ROBO1: variants seen among roughly 807,000 people sequenced by gnomAD.
The protein encoded by ROBO1 is roundabout guidance receptor 1, also known as roundabout homolog 1.
Under a neutral mutation model 195.9 loss-of-function variants are expected in ROBO1, and 149 were observed. That is an observed-to-expected ratio of 0.76 (90% CI 0.67 to 0.87). The LOEUF (loss-of-function observed/expected upper bound fraction) is 0.87, where lower values mean the gene tolerates loss of function less well. ROBO1 is among the 40% of genes least tolerant of loss of function. The pLI is 0.00. For synonymous variants in ROBO1, 816 were observed against 733.2 expected, an observed-to-expected ratio of 1.11 and a Z score of -1.82; for missense variants, 1,933 against 2,068.3, an observed-to-expected ratio of 0.93 and a Z score of 1.27.
intron 22 of ROBO1, among the ~76,000 whole-genome samples, chr3:78,636,736 T>A (rs924090818): frequency 1.3e-5 from 2 of 151,488 alleles, no homozygotes; most frequent in African/African-American, 4.8e-5. Flanking sequence ...TTCTCATGGT[T>A]TCATAATGAC....
chr3:79,738,242 G>C (rs557593607), intron 1 of ROBO1, among the ~76,000 whole-genome samples: 1 of 152,224 alleles, frequency 6.6e-6, no homozygotes, highest in East Asian at 1.9e-4. Context: ...TAGAGAAACA[G>C]TTTACTGAGA....
chr3:78,989,323 A>C (rs2108044830), intron 3 of ROBO1, among the ~76,000 whole-genome samples: 1 of 152,292 alleles, frequency 6.6e-6, no homozygotes, highest in East Asian at 1.9e-4. Context: ...TAAAAATAAA[A>C]AAATTTAAGG....
intron 2 of ROBO1, among the ~76,000 whole-genome samples, chr3:79,237,265 G>A (rs2082426031): frequency 6.6e-6 from 1 of 152,012 alleles, no homozygotes; most frequent in African/African-American, 2.4e-5. Flanking sequence ...GGCGGATCAC[G>A]AGGTCAGGAG....
chr3:78,889,879 G>C (rs76309058), intron 4 of ROBO1, among the ~76,000 whole-genome samples: 3 of 151,970 alleles, frequency 2.0e-5, no homozygotes, highest in Non-Finnish European at 2.9e-5. Context: ...ATGATACTAA[G>C]ACAATACTCG....
intron 2 of ROBO1, among the ~76,000 whole-genome samples, chr3:79,235,966 A>T (rs2082399878): frequency 6.6e-6 from 1 of 152,104 alleles, no homozygotes; most frequent in African/African-American, 2.4e-5. Flanking sequence ...TTCTATTTTG[A>T]CAGTTATCAC....
intron 1 of ROBO1, among the ~76,000 whole-genome samples, chr3:79,635,067 C>T (rs1945458447): frequency 6.6e-6 from 1 of 152,112 alleles, no homozygotes; most frequent in Non-Finnish European, 1.5e-5. Context: ...ATGCTACTTC[C>T]TGAATTGAAG....
intron 2 of ROBO1, among the ~76,000 whole-genome samples, chr3:79,278,303 G>A (rs921813193): frequency 2.6e-5 from 4 of 151,940 alleles, no homozygotes; most frequent in African/African-American, 9.7e-5. Flanking sequence ...TCACATACAT[G>A]GAAAGAGAAT....
chr3:79,096,591 T>C (rs1057182849), intron 3 of ROBO1, among the ~76,000 whole-genome samples: 2 of 151,470 alleles, frequency 1.3e-5, no homozygotes, highest in East Asian at 2.0e-4. Context: ...ATGGACTCCA[T>C]AGGAAGACTA....
At chr3:79,207,193 TCAAA>T (rs1339421332) in intron 2 of ROBO1, among the ~76,000 whole-genome samples, 2 of 152,120 alleles carry the variant, frequency 1.3e-5, no homozygotes, top group African/African-American at 4.8e-5. Context: ...AAAACATTGA[TCAAA>T]CAGTTGATTT....
At chr3:79,334,644 A>G (rs2034592496) in intron 2 of ROBO1, among the ~76,000 whole-genome samples, 1 of 151,992 alleles carries the variant, frequency 6.6e-6, no homozygotes, top group Non-Finnish European at 1.5e-5. Flanking sequence ...ATTCAACCAT[A>G]TATTGGAAAG....
intron 4 of ROBO1, among the ~76,000 whole-genome samples, chr3:78,849,616 A>T (rs2033907459): frequency 6.6e-6 from 1 of 151,676 alleles, no homozygotes; most frequent in Non-Finnish European, 1.5e-5. Flanking sequence ...AATAAGTTTT[A>T]TATATATATA....
chr3:79,225,255 C>A (rs922739430), intron 2 of ROBO1, among the ~76,000 whole-genome samples: 110 of 152,028 alleles, frequency 7.2e-4, no homozygotes, highest in African/African-American at 2.6e-3. Context: ...GTGCCTTGGG[C>A]ATAAGATAGG....
rs2037234834 is a variant in ROBO1, at chr3:79,398,451, G to A, written c.88+191373C>T. On this transcript the variant is annotated intron_variant, in intron 2 of 30. Coordinates refer to ENST00000464233, the MANE Select transcript of ROBO1 (RefSeq NM_002941.4). Reference sequence around the variant, plus strand: ...GATGGAGGCTGATACTGATATAGGTGTGTAGTATTATTGAGTCCAACACCA... The same window carrying A: ...GATGGAGGCTGATACTGATATAGGTATGTAGTATTATTGAGTCCAACACCA... 2.6e-5 allele frequency among the ~76,000 whole-genome samples: 4 copies of A among 152,104 alleles called. No individual in the cohort carries two copies. The South Asian group carries it at 8.3e-4, about 31-fold the overall frequency.
At chr3:79,276,003 T>C (rs2031002225) in intron 2 of ROBO1, among the ~76,000 whole-genome samples, 2 of 151,974 alleles carry the variant, frequency 1.3e-5, no homozygotes, top group Admixed American at 1.3e-4. Context: ...AGCTATTCCA[T>C]GTTCATTGAC....
chr3:79,242,559 G>A (rs1392490922), intron 2 of ROBO1, among the ~76,000 whole-genome samples: 2 of 152,126 alleles, frequency 1.3e-5, no homozygotes, highest in Admixed American at 6.6e-5. Context: ...ATAAAGCCAT[G>A]GACATGGTGC....
chr3:79,436,609 G>A (rs1229061234), intron 2 of ROBO1, among the ~76,000 whole-genome samples: 2 of 152,030 alleles, frequency 1.3e-5, no homozygotes, highest in Admixed American at 1.3e-4. Context: ...TTACATATGG[G>A]CTTGCTGACT....
At chr3:79,761,942 C>A (rs1704721398) in intron 1 of ROBO1, among the ~76,000 whole-genome samples, 2 of 152,228 alleles carry the variant, frequency 1.3e-5, no homozygotes, top group Middle Eastern at 3.4e-3. Context: ...CCCATATATT[C>A]TATTGTAGTA....
At chr3:79,265,545 AT>A (rs1314033480) in intron 2 of ROBO1, among the ~76,000 whole-genome samples, 1 of 151,576 alleles carries the variant, frequency 6.6e-6, no homozygotes, top group African/African-American at 2.4e-5. Context: ...TTATTTGCAA[AT>A]TTTTTAAGTT....
chr3:78,732,096 CA>C (rs2082298835), intron 5 of ROBO1, among the ~76,000 whole-genome samples: 1 of 152,028 alleles, frequency 6.6e-6, no homozygotes. Context: ...AAACTTGCTC[CA>C]GATCATTTGG....
Sources: allele counts gnomAD v4.1 joint callset (sites outside exome capture counted in the v4.1 genomes callset), GRCh38; gene constraint gnomAD v4.1.1; transcripts MANE v1.5; gene names NCBI Gene and HGNC (gene_info 2026-07-23, HGNC 2026-07-21).